Variants in ADAM22 observed in about 807,000 individuals in gnomAD.
The protein encoded by ADAM22 is ADAM metallopeptidase domain 22.
In ADAM22, 65 loss-of-function variants were observed where a neutral mutation model predicts 144.6. The observed-to-expected ratio is 0.45, with a 90% CI of 0.37 to 0.55. The LOEUF (loss-of-function observed/expected upper bound fraction) is 0.55, where lower values mean the gene tolerates loss of function less well. Among genes scored for constraint, ADAM22 ranks in the 20% least tolerant of loss-of-function variants. The pLI is 0.00. For missense variants in ADAM22, 974 were observed against 1,184.9 expected, an observed-to-expected ratio of 0.82 and a Z score of 2.61; for synonymous variants, 391 against 412.6, an observed-to-expected ratio of 0.95 and a Z score of 0.63.
Position 88,181,488 on chromosome 7 carries a change from A to G in ADAM22, c.2496-17A>G. 1 of 1,606,184 alleles carries G rather than the reference A, an allele frequency of 6.2e-7. No individual in the cohort carries two copies. Among genetic ancestry groups the G allele is most frequent in the East Asian group, 2.2e-5 (1 of 44,802 alleles). The stretch of plus-strand genomic sequence containing the variant: ...TGGTTACATTTTTGAACAATTTATC[A>G]ATATTTTCAATTTCAGGTCAAATGG... On this transcript the variant is annotated splice_polypyrimidine_tract_variant and intron_variant, in intron 27 of 31. Transcript: ENST00000413139.
rs368688301 is a variant in ADAM22, at chr7:88,039,775, G to A, written c.324-35851G>A. ...GTGTTATTCTACTGAATATACTCTC[G>A]CCACTTTACCAGTAACATACTAGTC... On this transcript the variant is annotated intron_variant, in intron 3 of 31. Transcript: ENST00000413139. Among the ~76,000 whole-genome samples the A allele has an allele frequency of 1.1e-4, 16 of 151,444 alleles. No individual in the cohort carries two copies. In the East Asian group the frequency reaches 1.6e-3, roughly 15 times the overall value.
At chr7:88,138,921 T>G (rs1005284457) in intron 14 of ADAM22, among the ~76,000 whole-genome samples, 1 of 152,212 alleles carries the variant, frequency 6.6e-6, no homozygotes, top group African/African-American at 2.4e-5. Flanking sequence ...CTGCCAAGGG[T>G]TGGAGAACAG....
At position 87,934,415 on chromosome 7, in the gene ADAM22, G is replaced by T. The variant is rs1840661718; in HGVS notation, c.-51G>T. 1.3e-6 allele frequency: 2 copies of T among 1,532,868 alleles called. No individual in the cohort carries two copies. Among genetic ancestry groups the T allele is most frequent in the Admixed American group, 1.9e-5 (1 of 52,350 alleles). The allele number at this position is 1,532,868 out of a possible 1,614,324, so 95.0% of individuals were successfully genotyped here. The stretch of plus-strand genomic sequence containing the variant: ...GAGCGAGGGAAACGGACTCGGCGGC[G>T]CCGGCATGAGGAGCTGAGCGTCTCG... On this transcript the variant is annotated 5_prime_UTR_variant, in exon 1 of 32. Coordinates refer to ENST00000413139, the MANE Select transcript of ADAM22 (RefSeq NM_001324418.2).
intron 4 of ADAM22, among the ~76,000 whole-genome samples, chr7:88,088,524 C>T (rs73706966): frequency 5.5e-5 from 6 of 109,662 alleles, no homozygotes; most frequent in Non-Finnish European, 9.6e-5. Context: ...AAAAAAAAAA[C>T]ACTAGTAGAG....
chr7:88,100,562 G>T (rs1475521762), intron 4 of ADAM22, among the ~76,000 whole-genome samples: 1 of 152,160 alleles, frequency 6.6e-6, no homozygotes, highest in South Asian at 2.1e-4. Flanking sequence ...ACAGTCACAG[G>T]TTATGAGTTT....
At chr7:87,971,548 A>G (rs1329826004) in intron 2 of ADAM22, among the ~76,000 whole-genome samples, 1 of 152,196 alleles carries the variant, frequency 6.6e-6, no homozygotes, top group African/African-American at 2.4e-5. Flanking sequence ...TAAAATCACA[A>G]TTCATTCTTA....
intron 3 of ADAM22, among the ~76,000 whole-genome samples, chr7:88,012,929 G>A (rs1795762342): frequency 6.6e-6 from 1 of 152,148 alleles, no homozygotes; most frequent in South Asian, 2.1e-4. Context: ...TGTTCCAGGT[G>A]TATTTCATGT....
At chr7:87,991,036 A>T (rs1292033118) in intron 3 of ADAM22, among the ~76,000 whole-genome samples, 1 of 152,098 alleles carries the variant, frequency 6.6e-6, no homozygotes, top group Non-Finnish European at 1.5e-5. Flanking sequence ...TTCACACTCA[A>T]TTTCAATCAT....
chr7:88,015,078 T>G (rs1796262919), intron 3 of ADAM22, among the ~76,000 whole-genome samples: 1 of 151,780 alleles, frequency 6.6e-6, no homozygotes, highest in African/African-American at 2.4e-5. Flanking sequence ...CTTCTCATCT[T>G]GAATAAAGTA....
chr7:87,949,131 T>A (rs1181497088), intron 2 of ADAM22, among the ~76,000 whole-genome samples: 4 of 152,198 alleles, frequency 2.6e-5, no homozygotes, highest in Non-Finnish European at 5.9e-5. Flanking sequence ...AATTCTTTCC[T>A]CCTCTTCCTG....
chr7:88,015,366 A>G (rs1015344727), intron 3 of ADAM22, among the ~76,000 whole-genome samples: 1 of 152,228 alleles, frequency 6.6e-6, no homozygotes, highest in African/African-American at 2.4e-5. Flanking sequence ...GCCATATTAT[A>G]GCAAAATAAA....
At chr7:88,128,371 T>G (rs1424847976) in intron 8 of ADAM22, among the ~76,000 whole-genome samples, 2 of 151,982 alleles carry the variant, frequency 1.3e-5, no homozygotes, top group Non-Finnish European at 2.9e-5. Flanking sequence ...AGGTGGAGAA[T>G]AGAGGTGAGA....
At chr7:88,128,740 A>G in intron 9 of ADAM22, 64 bp downstream of exon 9, 1 of 1,322,694 alleles carries the variant, frequency 7.6e-7, no homozygotes, top group Non-Finnish European at 1.1e-6. Flanking sequence ...GTGCAAAAAT[A>G]TGTTTAGAAA....
At chr7:87,988,506 G>T (rs1027798978) in intron 3 of ADAM22, among the ~76,000 whole-genome samples, 16 of 152,042 alleles carry the variant, frequency 1.1e-4, no homozygotes, top group South Asian at 8.3e-4. Flanking sequence ...CTTATAGTAG[G>T]ATATATATTA....
chr7:88,070,329 A>G (rs1812391324), intron 3 of ADAM22, among the ~76,000 whole-genome samples: 1 of 152,186 alleles, frequency 6.6e-6, no homozygotes, highest in African/African-American at 2.4e-5. Context: ...TCTTTTGTCT[A>G]GCTGAGGCCC....
intron 29 of ADAM22, chr7:88,185,878 TTGG>T (rs1848180112): frequency 6.6e-6 from 1 of 152,200 alleles, no homozygotes; most frequent in Admixed American, 6.5e-5. Context: ...CCTCTGAGGG[TTGG>T]TTCCTAATGG....
chr7:88,073,377 C>T (rs1014980248), intron 3 of ADAM22, among the ~76,000 whole-genome samples: 4 of 152,120 alleles, frequency 2.6e-5, no homozygotes, highest in African/African-American at 7.2e-5. Flanking sequence ...AAGAGAGCCC[C>T]GGCTACCATG....
chr7:88,025,683 A>G (rs1798856774), intron 3 of ADAM22, among the ~76,000 whole-genome samples: 1 of 152,126 alleles, frequency 6.6e-6, no homozygotes, highest in South Asian at 2.1e-4. Flanking sequence ...TTGTAGATGT[A>G]TGGATTTGTT....
At chr7:88,007,607 T>A (rs1205203101) in intron 3 of ADAM22, among the ~76,000 whole-genome samples, 2 of 152,248 alleles carry the variant, frequency 1.3e-5, no homozygotes, top group East Asian at 3.9e-4. Context: ...TATCTACAAC[T>A]ATCTGATCTT....
Sources: allele counts gnomAD v4.1 joint callset (sites outside exome capture counted in the v4.1 genomes callset), GRCh38; gene constraint gnomAD v4.1.1; transcripts MANE v1.5; gene names NCBI Gene and HGNC (gene_info 2026-07-23, HGNC 2026-07-21).